Variants in VPS13B observed in about 807,000 individuals in gnomAD.
The protein encoded by VPS13B is intermembrane lipid transfer protein VPS13B.
A neutral mutation model predicts 426.4 loss-of-function variants in VPS13B; 285 were observed. The observed-to-expected ratio is 0.67, with a 90% CI of 0.61 to 0.74. The LOEUF is 0.74. VPS13B is among the 30% of genes least tolerant of loss of function. VPS13B has a pLI of 0.00. For missense variants in VPS13B, 4,537 were observed against 4,782.6 expected, an observed-to-expected ratio of 0.95 and a Z score of 1.51; for synonymous variants, 1,676 against 1,676.4, an observed-to-expected ratio of 1.00 and a Z score of 0.01.
intron 21 of VPS13B, among the ~76,000 whole-genome samples, chr8:99,428,369 A>C (rs544561969): frequency 6.6e-6 from 1 of 152,294 alleles, no homozygotes; most frequent in Admixed American, 6.5e-5. Flanking sequence ...AATGGAAGAA[A>C]ATTTTTGCAA....
intron 19 of VPS13B, among the ~76,000 whole-genome samples, chr8:99,313,148 G>A (rs1159205796): frequency 1.3e-5 from 2 of 152,256 alleles, no homozygotes; most frequent in Middle Eastern, 3.4e-3. Context: ...TTGATCGTCT[G>A]AAGCCTTCTT....
intron 44 of VPS13B, among the ~76,000 whole-genome samples, chr8:99,813,984 A>G (rs903956276): frequency 1.3e-5 from 2 of 152,072 alleles, no homozygotes; most frequent in African/African-American, 4.8e-5. Flanking sequence ...ACATAAAATA[A>G]AATACATTAG....
intron 39 of VPS13B, among the ~76,000 whole-genome samples, chr8:99,722,916 T>C (rs182933058): frequency 6.6e-5 from 10 of 152,324 alleles, no homozygotes; most frequent in African/African-American, 2.2e-4. Flanking sequence ...GGGCTAAAGG[T>C]TTATAGTTAT....
At chr8:99,155,637 A>G (rs1184738973) in intron 14 of VPS13B, among the ~76,000 whole-genome samples, 1 of 152,226 alleles carries the variant, frequency 6.6e-6, no homozygotes, top group Non-Finnish European at 1.5e-5. Flanking sequence ...AAAAATCAGC[A>G]TTGTATTTTC....
At chr8:99,828,394 G>GCTTTTTTTTTTTTTTTTTTTT (rs1563495224) in intron 51 of VPS13B, among the ~76,000 whole-genome samples, 6 of 17,424 alleles carry the variant, frequency 3.4e-4, no homozygotes, top group Non-Finnish European at 5.2e-4. Context: ...TACAACCACC[G>GCTTTTTTTTTTTTTTTTTTTT]TTTTTTTTTT....
chr8:99,875,465 G>A lies in VPS13B; in HGVS notation c.11793G>A (p.Leu3931=). ...TGTCAGAGCAACAGTACAACAGACT[G>A]GTGGACTACATCACAAAGACATCTT... ...ERLSEQQYNR[L]VDYITKTSCH... The change falls in exon 62 of 62, where the codon CTG becomes CTA. Residue 3931 remains leucine (L), a synonymous_variant. Coordinates refer to ENST00000357162, the MANE Select transcript of VPS13B (RefSeq NM_152564.5). The A allele has an allele frequency of 6.2e-7, 1 of 1,614,150 alleles. No individual in the cohort carries two copies. The highest frequency in any genetic ancestry group is 1.1e-5 in the South Asian group (1 of 91,078).
intron 3 of VPS13B, among the ~76,000 whole-genome samples, chr8:99,088,564 A>G (rs1428724716): frequency 6.6e-6 from 1 of 152,200 alleles, no homozygotes; most frequent in African/African-American, 2.4e-5. Context: ...AGGTGCTCAC[A>G]TAAAAAAATT....
chr8:99,341,060 G>A (rs565437296), intron 19 of VPS13B: 7 of 267,788 alleles, frequency 2.6e-5, no homozygotes, highest in African/African-American at 4.6e-5. Flanking sequence ...TAACTGATGC[G>A]GTAGTGTAAT....
In VPS13B at chr8:99,775,902, C is replaced by CA. The variant is rs369730286; in HGVS notation, c.7248-863dup. Among the ~76,000 whole-genome samples the CA allele has an allele frequency of 9.7e-3, 1,412 of 145,042 alleles. 28 individuals carry two copies. Among genetic ancestry groups the CA allele is most frequent in the African/African-American group, 0.033 (1,322 of 39,526 alleles). On this transcript the variant is annotated intron_variant, in intron 40 of 61. Coordinates refer to ENST00000357162, the MANE Select transcript of VPS13B (RefSeq NM_152564.5). ...TGGACAACAAAAGTAGACTCCATCT[C>CA]AAAAAAAAAAGAAAAGATTTAACTT...
intron 23 of VPS13B, among the ~76,000 whole-genome samples, chr8:99,461,903 C>T (rs1818853972): frequency 6.6e-6 from 1 of 152,118 alleles, no homozygotes; most frequent in African/African-American, 2.4e-5. Flanking sequence ...CACTAGAATG[C>T]AAGCTCTATG....
intron 33 of VPS13B, among the ~76,000 whole-genome samples, chr8:99,640,019 TAATAATAAGAAG>T (rs1244023804): frequency 1.9e-4 from 15 of 78,312 alleles, no homozygotes; most frequent in Middle Eastern, 5.2e-3. Context: ...ATAATAATAA[TAATAATAAGAAG>T]AAGAAGAAGA....
At chr8:99,271,061 T>C (rs1818564937) in intron 17 of VPS13B, among the ~76,000 whole-genome samples, 1 of 152,132 alleles carries the variant, frequency 6.6e-6, no homozygotes. Flanking sequence ...GATTATTTTG[T>C]GTTTGCCGAA....
At chr8:99,805,923 T>C (rs1052478199) in intron 43 of VPS13B, among the ~76,000 whole-genome samples, 1 of 152,162 alleles carries the variant, frequency 6.6e-6, no homozygotes, top group Non-Finnish European at 1.5e-5. Context: ...AAAATCTTAA[T>C]AGAAAAGAGG....
At chr8:99,693,218 C>A (rs1268101573) in intron 35 of VPS13B, among the ~76,000 whole-genome samples, 2 of 150,984 alleles carry the variant, frequency 1.3e-5, no homozygotes, top group Non-Finnish European at 2.9e-5. Flanking sequence ...ATTCTGATAC[C>A]AAAGCCGGGC....
At chr8:99,159,444 A>G (rs1811526107) in intron 15 of VPS13B, among the ~76,000 whole-genome samples, 1 of 152,212 alleles carries the variant, frequency 6.6e-6, no homozygotes, top group South Asian at 2.1e-4. Context: ...ACCTCAAATC[A>G]ATCATCAATG....
chr8:99,237,457 C>G (rs537548558), intron 17 of VPS13B, among the ~76,000 whole-genome samples: 2 of 151,796 alleles, frequency 1.3e-5, no homozygotes, highest in Admixed American at 1.3e-4. Context: ...GGGTAAGCAA[C>G]CAGGCTAATG....
chr8:99,161,126 A>G (rs892084845), intron 15 of VPS13B, among the ~76,000 whole-genome samples: 3 of 152,218 alleles, frequency 2.0e-5, no homozygotes, highest in South Asian at 2.1e-4. Flanking sequence ...ATACTTTACA[A>G]TGCTTTATAC....
At chr8:99,817,487 C>G in intron 44 of VPS13B, 53 bp from the exon 45 acceptor site, 2 of 1,595,768 alleles carry the variant, frequency 1.3e-6, no homozygotes, top group Admixed American at 3.3e-5. Context: ...TAACATATTT[C>G]CAGTTAATGA....
chr8:99,598,595 C>G (rs546717646), intron 33 of VPS13B, among the ~76,000 whole-genome samples: 1 of 152,016 alleles, frequency 6.6e-6, no homozygotes, highest in South Asian at 2.1e-4. Flanking sequence ...AAATATAAAC[C>G]ATGTTTTTAG....
Sources: gnomAD v4.1 joint callset for allele counts (sites outside exome capture counted in the v4.1 genomes callset) on GRCh38, gnomAD v4.1.1 for gene constraint, MANE v1.5 for transcripts, NCBI Gene and HGNC (gene_info 2026-07-23, HGNC 2026-07-21) for gene names.